WNT9B: variants seen among roughly 807,000 people sequenced by gnomAD.
WNT9B encodes the protein Wnt family member 9B, also known as protein Wnt-9b.
A neutral mutation model predicts 30.2 loss-of-function variants in WNT9B; 12 were observed. That is an observed-to-expected ratio of 0.40 (90% confidence interval 0.26 to 0.64). The LOEUF is 0.64. Ranked by LOEUF, WNT9B falls within the 30% of genes least tolerant of loss-of-function variation. The pLI, the probability that WNT9B is intolerant of heterozygous loss-of-function variation, is 0.42. For synonymous variants in WNT9B, 218 were observed against 216.9 expected (o/e 1.01, Z -0.05); for missense variants, 442 against 485.2 (o/e 0.91, Z 0.84).
In WNT9B at chr17:46,877,005, A is replaced by G; in HGVS notation, c.*287A>G. The G allele has an allele frequency of 8.0e-7, 1 of 1,245,022 alleles. No individual in the cohort carries two copies. Among genetic ancestry groups the G allele is most frequent in the Non-Finnish European group, 1.0e-6 (1 of 994,732 alleles). The allele number at this position is 1,245,022 out of a possible 1,614,324, so 77.1% of individuals were successfully genotyped here. A position where few individuals can be genotyped will look rare whatever the true frequency, so the allele number is the denominator to read the frequency against. On this transcript the variant is annotated 3_prime_UTR_variant, in exon 4 of 4. Transcript: ENST00000290015. Reference sequence around the variant, plus strand: ...AGAAAGACATGGAGGGAAATAAGGGAGACCAAGAGCACAGCAGGACTGAAA... The same window carrying G: ...AGAAAGACATGGAGGGAAATAAGGGGGACCAAGAGCACAGCAGGACTGAAA...
downstream of WNT9B, among the ~76,000 whole-genome samples, chr17:46,882,342 T>A (rs1439396458): frequency 6.6e-6 from 1 of 152,194 alleles, no homozygotes; most frequent in Non-Finnish European, 1.5e-5. Context: ...GTGGAATACC[T>A]CTCAACTGAG....
At position 46,880,364 on chromosome 17, in the gene WNT9B, G is replaced by A. The variant is rs1389761381; in HGVS notation, c.*3646G>A. 6.6e-6 allele frequency among the ~76,000 whole-genome samples: 1 copy of A among 152,126 alleles called. No individual in the cohort carries two copies. Among genetic ancestry groups the A allele is most frequent in the African/African-American group, 2.4e-5 (1 of 41,432 alleles). On this transcript the variant is annotated 3_prime_UTR_variant, in exon 4 of 4. Coordinates refer to ENST00000290015, the MANE Select transcript of WNT9B (RefSeq NM_003396.3). ...CTCAGGACACTTTAGAATAACAATG[G>A]AAGCCATCACTTATTGAGCACCCCT...
intron 1 of WNT9B, among the ~76,000 whole-genome samples, chr17:46,835,129 G>T (rs928236158): frequency 2.0e-5 from 3 of 152,090 alleles, no homozygotes; most frequent in African/African-American, 7.2e-5. Flanking sequence ...TGAGTAGCTG[G>T]CACTACAGGA....
chr17:46,849,426 C>G (rs2084813439), upstream of WNT9B, among the ~76,000 whole-genome samples: 1 of 152,198 alleles, frequency 6.6e-6, no homozygotes, highest in Non-Finnish European at 1.5e-5. Flanking sequence ...TGAGCTGAAC[C>G]CACTCCATCC....
rs1183668181 is a variant in WNT9B at position 46,876,972 on chromosome 17, G to A, written c.*254G>A. ...CCTTGTTGAGGACTTGGAGAGGAGG[G>A]CAGAGTGAGAAAGACATGGAGGGAA... is the stretch of plus-strand genomic sequence containing the variant. On this transcript the variant is annotated 3_prime_UTR_variant, in exon 4 of 4. Transcript: ENST00000290015. 2 of 1,296,458 alleles carry A rather than the reference G, an allele frequency of 1.5e-6. No homozygotes were observed. Among genetic ancestry groups the A allele is most frequent in the Non-Finnish European group, 9.7e-7 (1 of 1,025,724 alleles). The allele number at this position is 1,296,458 out of a possible 1,614,324, so 80.3% of individuals were successfully genotyped here.
rs2085389246 is a variant in WNT9B, at chr17:46,879,088, AAT to A, written c.*2376_*2377del. On this transcript the variant is annotated 3_prime_UTR_variant, in exon 4 of 4. Transcript: ENST00000290015. The stretch of plus-strand genomic sequence containing the variant: ...TCACAGGGTATTTTTGTCTACCTCA[AAT>A]ATATAGTTTTTAGAGCAAAGGAGAA... 2.0e-5 allele frequency among the ~76,000 whole-genome samples: 3 copies of A among 152,214 alleles called. No homozygotes were observed. Among genetic ancestry groups the A allele is most frequent in the Admixed American group, 1.3e-4 (2 of 15,270 alleles).
downstream of WNT9B, chr17:46,885,123 G>C (rs1348029749): frequency 1.7e-5 from 7 of 409,028 alleles, no homozygotes; most frequent in Non-Finnish European, 2.9e-5. Context: ...TGAGTAACTG[G>C]GATTACAGGC....
Position 46,876,783 on chromosome 17 carries a change from AG to A in WNT9B, c.*66del, listed in dbSNP as rs1270634634. The stretch of plus-strand genomic sequence containing the variant: ...TCCTGTGGCACCCTTCAAGCTGCCC[AG>A]CCGGCCCTCTGGGCAGACTGTCATC... On this transcript the variant is annotated 3_prime_UTR_variant, in exon 4 of 4. Coordinates refer to ENST00000290015, the MANE Select transcript of WNT9B (RefSeq NM_003396.3). The A allele has an allele frequency of 2.0e-6, 3 of 1,475,012 alleles. No individual in the cohort carries two copies. Among genetic ancestry groups the A allele is most frequent in the Non-Finnish European group, 2.7e-6 (3 of 1,110,008 alleles). The allele number at this position is 1,475,012 out of a possible 1,614,324, so 91.4% of individuals were successfully genotyped here. A position where few individuals can be genotyped will look rare whatever the true frequency, so the allele number is the denominator to read the frequency against.
At chr17:46,868,401 A>G (rs559150472) in intron 1 of WNT9B, among the ~76,000 whole-genome samples, 22 of 151,978 alleles carry the variant, frequency 1.4e-4, no homozygotes, top group Admixed American at 3.3e-4. Flanking sequence ...AGACCAGCCT[A>G]GCCAACATGG....
intron 1 of WNT9B, among the ~76,000 whole-genome samples, chr17:46,845,290 C>A (rs2084762828): frequency 6.6e-6 from 1 of 152,108 alleles, no homozygotes; most frequent in Non-Finnish European, 1.5e-5. Context: ...GAATGCCCTG[C>A]TGCTCCGTGC....
chr17:46,858,723 G>T (rs986642958), intron 1 of WNT9B, among the ~76,000 whole-genome samples: 8 of 152,166 alleles, frequency 5.3e-5, no homozygotes, highest in Non-Finnish European at 1.0e-4. Context: ...AACTAAATGT[G>T]TTACACAATC....
chr17:46,858,416 A>AC (rs1875508371), intron 1 of WNT9B, among the ~76,000 whole-genome samples: 1 of 152,198 alleles, frequency 6.6e-6, no homozygotes, highest in African/African-American at 2.4e-5. Flanking sequence ...CTACCCAAGA[A>AC]ATCTCTGCCT....
rs2146620612 is a variant in WNT9B at position 46,880,277 on chromosome 17, G to T, written c.*3559G>T. Among the ~76,000 whole-genome samples the T allele has an allele frequency of 6.6e-6, 1 of 152,246 alleles. No individual in the cohort carries two copies. The highest frequency in any genetic ancestry group is 2.4e-5 in the African/African-American group (1 of 41,546). ...AGACAGACAGCCCCATGCCAACCCTGGACATTACTTGCTTTTGAACCTTTC... is the reference window on the plus strand; with the variant it reads ...AGACAGACAGCCCCATGCCAACCCTTGACATTACTTGCTTTTGAACCTTTC... On this transcript the variant is annotated 3_prime_UTR_variant, in exon 4 of 4. Coordinates refer to ENST00000290015, the MANE Select transcript of WNT9B (RefSeq NM_003396.3).
rs1218444237 is a variant in WNT9B at position 46,877,271 on chromosome 17, GGGA to G, written c.*555_*557del. ...CCCTGGTTTTGCTGTGCCAGAGATG[GGGA>G]GAAAGCACAGGTGGTAGAAGCCATC... On this transcript the variant is annotated 3_prime_UTR_variant, in exon 4 of 4. Transcript: ENST00000290015. 6.6e-6 allele frequency among the ~76,000 whole-genome samples: 1 copy of G among 152,238 alleles called. No individual in the cohort carries two copies. Among genetic ancestry groups the G allele is most frequent in the Non-Finnish European group, 1.5e-5 (1 of 68,048 alleles).
At chr17:46,846,327 G>C (rs150203751) in intron 1 of WNT9B, among the ~76,000 whole-genome samples, 2 of 152,302 alleles carry the variant, frequency 1.3e-5, no homozygotes, top group East Asian at 3.9e-4. Flanking sequence ...CATTAATTCA[G>C]TTATTTAACA....
At chr17:46,857,682 A>G (rs991623662) in intron 1 of WNT9B, among the ~76,000 whole-genome samples, 1 of 152,072 alleles carries the variant, frequency 6.6e-6, no homozygotes, top group African/African-American at 2.4e-5. Flanking sequence ...TGGTTTTACC[A>G]TTTTACACAG....
In WNT9B at chr17:46,863,582, G is replaced by A. The variant is rs9898230; in HGVS notation, c.78-8935G>A. On this transcript the variant is annotated intron_variant, in intron 1 of 3. Transcript: ENST00000290015. Reference sequence around the variant, plus strand: ...AAGTAAGGAGGGCTTCCTGGAGGAGGCAAACAAACATCACAGCATACTAGA... The same window carrying A: ...AAGTAAGGAGGGCTTCCTGGAGGAGACAAACAAACATCACAGCATACTAGA... Among the ~76,000 whole-genome samples the A allele has an allele frequency of 3.3e-3, 506 of 152,286 alleles. 1 individual carries two copies. Among genetic ancestry groups the A allele is most frequent in the African/African-American group, 0.012 (495 of 41,552 alleles).
chr17:46,872,605 G>A lies in WNT9B; in HGVS notation c.166G>A (p.Asp56Asn). 8 of 1,612,756 alleles carry A rather than the reference G, an allele frequency of 5.0e-6. No individual in the cohort carries two copies. The highest frequency in any genetic ancestry group is 6.8e-6 in the Non-Finnish European group (8 of 1,179,508). ...GGGCGGGGCCCACCTGAAGCAGTGTGACCTGCTGAAGCTGTCCCGGCGGCA... is the reference window on the plus strand; with the variant it reads ...GGGCGGGGCCCACCTGAAGCAGTGTAACCTGCTGAAGCTGTCCCGGCGGCA... ...AQGGAHLKQC[D>N]LLKLSRRQKQ... The change falls in exon 2 of 4, where the codon GAC becomes AAC. Residue 56 changes from aspartate to asparagine, a missense_variant. Transcript: ENST00000290015.
rs544300596 is a variant in WNT9B at position 46,877,712 on chromosome 17, A to G, written c.*994A>G. 4.6e-5 allele frequency among the ~76,000 whole-genome samples: 7 copies of G among 152,178 alleles called. No homozygotes were observed. Among genetic ancestry groups the G allele is most frequent in the African/African-American group, 1.2e-4 (5 of 41,530 alleles). On this transcript the variant is annotated 3_prime_UTR_variant, in exon 4 of 4. Coordinates refer to ENST00000290015, the MANE Select transcript of WNT9B (RefSeq NM_003396.3). The stretch of plus-strand genomic sequence containing the variant: ...GTGGCTGGGGCCTGCCTGGTCTGTG[A>G]CACCCCCATACCAGCTGAGTTCACA...
Sources: gnomAD v4.1 joint callset for allele counts (sites outside exome capture counted in the v4.1 genomes callset) on GRCh38, gnomAD v4.1.1 for gene constraint, MANE v1.5 for transcripts, NCBI Gene and HGNC (gene_info 2026-07-23, HGNC 2026-07-21) for gene names.